TRAPPC9: variants seen among roughly 807,000 people sequenced by gnomAD.
TRAPPC9 encodes the protein trafficking protein particle complex subunit 9.
Under a neutral mutation model 124.0 loss-of-function variants are expected in TRAPPC9, and 83 were observed. That is an observed-to-expected ratio of 0.67 (90% CI 0.56 to 0.80). The LOEUF (loss-of-function observed/expected upper bound fraction) is 0.80. TRAPPC9 is among the 30% of genes least tolerant of loss of function. TRAPPC9 has a pLI of 0.00. For missense variants in TRAPPC9, 1,302 were observed against 1,508.3 expected (o/e 0.86, Z 2.27); for synonymous variants, 638 against 617.5 (o/e 1.03, Z -0.49).
intron 9 of TRAPPC9, among the ~76,000 whole-genome samples, chr8:140,357,549 C>T (rs2067789828): frequency 1.3e-5 from 2 of 151,876 alleles, no homozygotes; most frequent in Non-Finnish European, 2.9e-5. Flanking sequence ...GGCACTACCT[C>T]TTTAGATTTG....
At chr8:140,165,805 A>G (rs2061827645) in intron 17 of TRAPPC9, among the ~76,000 whole-genome samples, 1 of 152,132 alleles carries the variant, frequency 6.6e-6, no homozygotes, top group Non-Finnish European at 1.5e-5. Context: ...AGCCCAGGTT[A>G]TCAGCCACTC....
chr8:140,191,886 T>C (rs2062498783), intron 17 of TRAPPC9, among the ~76,000 whole-genome samples: 4 of 152,054 alleles, frequency 2.6e-5, no homozygotes, highest in Non-Finnish European at 5.9e-5. Context: ...TAACCCTGAG[T>C]TTAAATCTCC....
At position 140,241,581 on chromosome 8, in the gene TRAPPC9, G is replaced by A. The variant is rs887112698; in HGVS notation, c.2431+11196C>T. On this transcript the variant is annotated intron_variant, in intron 16 of 22. Coordinates refer to ENST00000438773, the MANE Select transcript of TRAPPC9 (RefSeq NM_001160372.4). This position sits in a 1 kb window ranked among gnomAD's most constrained non-coding sequence, Gnocchi z 5.0. Reference sequence around the variant, plus strand: ...ATGGTGGTGTGCGCCTGTAGTCCCAGCTATTCGGAAGGCTGAGACAGGAGA... The same window carrying A: ...ATGGTGGTGTGCGCCTGTAGTCCCAACTATTCGGAAGGCTGAGACAGGAGA... Among the ~76,000 whole-genome samples the A allele has an allele frequency of 6.6e-5, 10 of 152,020 alleles. No individual in the cohort carries two copies. The highest frequency in any genetic ancestry group is 2.2e-4 in the African/African-American group (9 of 41,364).
In TRAPPC9 at chr8:140,311,322, C is replaced by A; in HGVS notation, c.1548G>T (p.Gly516=). ...CAGGGAGGGCGATGGGCTCCATGGTCCCAGGACACTTGGACGTATAGTTCT... is the reference window on the plus strand; with the variant it reads ...CAGGGAGGGCGATGGGCTCCATGGTACCAGGACACTTGGACGTATAGTTCT... The part of the protein sequence containing the change: ...SLENYTSKCP[G]TMEPIALPGG... The change falls in exon 10 of 23, where the codon GGG becomes GGT. Residue 516 remains glycine, a synonymous_variant. Transcript: ENST00000438773. 2 of 1,613,972 alleles carry A rather than the reference C, an allele frequency of 1.2e-6. No individual in the cohort carries two copies. Among genetic ancestry groups the A allele is most frequent in the Non-Finnish European group, 8.5e-7 (1 of 1,180,032 alleles).
chr8:140,130,201 A>T (rs965257565), intron 17 of TRAPPC9, among the ~76,000 whole-genome samples: 1 of 152,262 alleles, frequency 6.6e-6, no homozygotes, highest in African/African-American at 2.4e-5. Flanking sequence ...CTGTGAATTC[A>T]TAGTGCTGTG....
chr8:140,443,131 CAAAAAAAAAAA>C (rs1177286944), intron 2 of TRAPPC9, among the ~76,000 whole-genome samples: 1 of 43,986 alleles, frequency 2.3e-5, no homozygotes, highest in East Asian at 3.6e-4. Context: ...GACTCCATCT[CAAAAAAAAAAA>C]AAAAAAAAAA....
chr8:140,200,905 G>A (rs1337839570), intron 17 of TRAPPC9, among the ~76,000 whole-genome samples: 1 of 152,226 alleles, frequency 6.6e-6, no homozygotes, highest in Non-Finnish European at 1.5e-5. Flanking sequence ...AAACTGATAT[G>A]AGGGATACAT....
intron 20 of TRAPPC9, among the ~76,000 whole-genome samples, chr8:139,897,851 C>T (rs1247526965): frequency 3.3e-5 from 5 of 152,232 alleles, no homozygotes; most frequent in Non-Finnish European, 7.3e-5. Flanking sequence ...AGGAGCTCAC[C>T]TTCAAAGCAG....
intron 17 of TRAPPC9, among the ~76,000 whole-genome samples, chr8:140,194,941 C>T (rs938844529): frequency 6.6e-6 from 1 of 152,098 alleles, no homozygotes; most frequent in African/African-American, 2.4e-5. Flanking sequence ...CACTAAAACA[C>T]ATTCAACGAT....
intron 19 of TRAPPC9, among the ~76,000 whole-genome samples, chr8:139,949,771 A>C (rs1029810798): frequency 4.0e-4 from 61 of 152,172 alleles, no homozygotes; most frequent in Non-Finnish European, 1.6e-4. Context: ...AGTGGTGGCC[A>C]ATGGGTAGGA....
intron 17 of TRAPPC9, among the ~76,000 whole-genome samples, chr8:140,221,092 A>T (rs950241799): frequency 6.6e-6 from 1 of 152,188 alleles, no homozygotes. Context: ...AACAATTGGG[A>T]AGGGTTGCCA....
At position 139,731,868 on chromosome 8, in the gene TRAPPC9, C is replaced by A. The variant is rs745805292; in HGVS notation, c.3279+111G>T. On this transcript the variant is annotated intron_variant, in intron 22 of 22. Transcript: ENST00000438773. ...TGCACACGTGACCACAGAACCCCTG[C>A]TGCTATCGTCTGCTGGACATATGCT... 6.3e-4 allele frequency: 631 copies of A among 1,000,978 alleles called. 1 individual carries two copies. Among genetic ancestry groups the A allele is most frequent in the Non-Finnish European group, 7.2e-4 (468 of 650,910 alleles). The allele number at this position is 1,000,978 out of a possible 1,614,324, so 62.0% of individuals were successfully genotyped here. A position where few individuals can be genotyped will look rare whatever the true frequency, so the allele number is the denominator to read the frequency against.
At chr8:139,777,594 C>T (rs1254569326) in intron 21 of TRAPPC9, among the ~76,000 whole-genome samples, 1 of 152,242 alleles carries the variant, frequency 6.6e-6, no homozygotes, top group Non-Finnish European at 1.5e-5. Context: ...CATGAGACTT[C>T]TTACATAACG....
At chr8:140,237,503 A>G (rs2063755350) in intron 16 of TRAPPC9, among the ~76,000 whole-genome samples, 1 of 152,024 alleles carries the variant, frequency 6.6e-6, no homozygotes, top group Admixed American at 6.6e-5. Context: ...GTCCAGTTAA[A>G]TCTCCAAATT....
intron 21 of TRAPPC9, among the ~76,000 whole-genome samples, chr8:139,821,224 C>T (rs1159600100): frequency 2.0e-5 from 3 of 152,208 alleles, no homozygotes; most frequent in Non-Finnish European, 4.4e-5. Flanking sequence ...ATGAGCAAAG[C>T]CCAGCCTCTG....
At chr8:140,450,006 T>C (rs1042005574) in intron 2 of TRAPPC9, among the ~76,000 whole-genome samples, 1 of 152,258 alleles carries the variant, frequency 6.6e-6, no homozygotes, top group African/African-American at 2.4e-5. Flanking sequence ...AAATATAGTT[T>C]ATTTAACCTA....
intron 19 of TRAPPC9, among the ~76,000 whole-genome samples, chr8:139,968,283 C>G (rs948751238): frequency 1.3e-5 from 2 of 152,240 alleles, no homozygotes; most frequent in Non-Finnish European, 2.9e-5. Flanking sequence ...TTATCTCCCC[C>G]ATGTTTAGCT....
chr8:140,183,937 GAGAGGAGAGGAGAGGGGAGGGGAGGGA>G lies in TRAPPC9; in HGVS notation c.2556+37495_2556+37521del, dbSNP rs1563826028. On this transcript the variant is annotated intron_variant, in intron 17 of 22. Coordinates refer to ENST00000438773, the MANE Select transcript of TRAPPC9 (RefSeq NM_001160372.4). ...GAGAGGAGAGGAGAGGAGAGGAGAG[GAGAGGAGAGGAGAGGGGAGGGGAGGGA>G]GGAGGGAGGAGGGAGGAGGGAGGAG... Among the ~76,000 whole-genome samples, 361 of 55,924 alleles carry G rather than the reference GAGAGGAGAGGAGAGGGGAGGGGAGGGA, an allele frequency of 6.5e-3. 16 individuals are homozygous for G. The highest frequency in any genetic ancestry group is 0.027 in the Middle Eastern group (4 of 146). 36.7% of individuals were successfully genotyped at this position (55,924 alleles called of 152,430 possible).
chr8:139,814,094 C>T (rs1265209858), intron 21 of TRAPPC9, among the ~76,000 whole-genome samples: 1 of 152,234 alleles, frequency 6.6e-6, no homozygotes, highest in Non-Finnish European at 1.5e-5. Flanking sequence ...CGCCTCTGAG[C>T]TCGAAGCCCG....
Sources: gnomAD v4.1 joint callset for allele counts (sites outside exome capture counted in the v4.1 genomes callset) on GRCh38, gnomAD v4.1.1 for gene constraint, Gnocchi (gnomAD v3.1) non-coding constraint, MANE v1.5 for transcripts, NCBI Gene and HGNC (gene_info 2026-07-23, HGNC 2026-07-21) for gene names.